The following UBE2E2 variants were observed in gnomAD, a reference collection of about 807,000 sequenced individuals.
The protein encoded by UBE2E2 is ubiquitin conjugating enzyme E2 E2.
In UBE2E2, 6 loss-of-function variants were observed where a neutral mutation model predicts 24.7. The ratio of observed to expected loss-of-function variants is 0.24; its 90% CI spans 0.13 to 0.48. The LOEUF is 0.48. Ranked by LOEUF, UBE2E2 falls within the 20% of genes least tolerant of loss-of-function variation. UBE2E2 has a pLI of 0.99. For missense variants in UBE2E2, 169 were observed against 245.0 expected, an observed-to-expected ratio of 0.69 and a Z score of 2.07; for synonymous variants, 104 against 83.6, an observed-to-expected ratio of 1.24 and a Z score of -1.33.
chr3:23,382,311 A>T (rs1308914630), intron 3 of UBE2E2, among the ~76,000 whole-genome samples: 1 of 151,108 alleles, frequency 6.6e-6, no homozygotes, highest in Non-Finnish European at 1.5e-5. Context: ...CCTCCAGAGT[A>T]GCTGGGATTA....
chr3:23,345,754 A>C (rs1575575035), intron 3 of UBE2E2, among the ~76,000 whole-genome samples: 1 of 152,234 alleles, frequency 6.6e-6, no homozygotes, highest in African/African-American at 2.4e-5. Context: ...TTGCCTTTAC[A>C]AAATATTCTT....
At chr3:23,279,715 A>G (rs2125370385) in intron 3 of UBE2E2, among the ~76,000 whole-genome samples, 1 of 152,306 alleles carries the variant, frequency 6.6e-6, no homozygotes, top group South Asian at 2.1e-4. Context: ...TGGACCCCCA[A>G]GGTGGGGGTG....
At chr3:23,525,633 A>G (rs1167653437) in intron 4 of UBE2E2, among the ~76,000 whole-genome samples, 1 of 152,230 alleles carries the variant, frequency 6.6e-6, no homozygotes, top group Non-Finnish European at 1.5e-5. Flanking sequence ...ATACAGCTAT[A>G]AATGCCAATG....
intron 3 of UBE2E2, among the ~76,000 whole-genome samples, chr3:23,238,423 A>G (rs1033870154): frequency 1.3e-5 from 2 of 152,228 alleles, no homozygotes; most frequent in Non-Finnish European, 1.5e-5. Flanking sequence ...GTAAAGAGTT[A>G]TATAATGTTA....
intron 3 of UBE2E2, among the ~76,000 whole-genome samples, chr3:23,455,227 G>C (rs1179453990): frequency 6.6e-6 from 1 of 152,182 alleles, no homozygotes; most frequent in Non-Finnish European, 1.5e-5. Flanking sequence ...TACCACACAA[G>C]TGAATTACAG....
chr3:23,382,334 A>G (rs1349472696), intron 3 of UBE2E2, among the ~76,000 whole-genome samples: 2 of 151,880 alleles, frequency 1.3e-5, no homozygotes, highest in Admixed American at 1.3e-4. Flanking sequence ...GGTGTGTGCT[A>G]CTGCACCTGG....
At chr3:23,302,795 A>G (rs1172058140) in intron 3 of UBE2E2, among the ~76,000 whole-genome samples, 2 of 152,240 alleles carry the variant, frequency 1.3e-5, no homozygotes, top group African/African-American at 4.8e-5. Flanking sequence ...TTGTATTTTA[A>G]TATAATGTTA....
intron 3 of UBE2E2, among the ~76,000 whole-genome samples, chr3:23,423,561 T>A (rs1697853778): frequency 1.3e-5 from 2 of 152,184 alleles, no homozygotes; most frequent in African/African-American, 4.8e-5. Context: ...TAAGAACTCT[T>A]GGTCTAATTT....
At chr3:23,515,085 A>C (rs1360929937) in intron 4 of UBE2E2, among the ~76,000 whole-genome samples, 1 of 151,266 alleles carries the variant, frequency 6.6e-6, no homozygotes, top group African/African-American at 2.4e-5. Flanking sequence ...TCTGAAGCTT[A>C]CTCTCAAATA....
intron 3 of UBE2E2, among the ~76,000 whole-genome samples, chr3:23,241,124 A>T (rs900983246): frequency 5.9e-5 from 9 of 152,144 alleles, no homozygotes; most frequent in Admixed American, 4.6e-4. Context: ...TTCAGTTAAT[A>T]GCAAATCTGT....
intron 5 of UBE2E2, among the ~76,000 whole-genome samples, chr3:23,541,389 A>G (rs1299204917): frequency 2.0e-5 from 3 of 152,256 alleles, no homozygotes; most frequent in Admixed American, 6.5e-5. Context: ...CAACTGTAAT[A>G]ACTACTTTCT....
At chr3:23,369,122 C>G (rs1045636253) in intron 3 of UBE2E2, among the ~76,000 whole-genome samples, 4 of 152,112 alleles carry the variant, frequency 2.6e-5, no homozygotes, top group African/African-American at 4.8e-5. Flanking sequence ...ATTTCTCATT[C>G]AAAGAGTAGC....
chr3:23,323,473 A>G, intron 3 of UBE2E2: 1 of 426,136 alleles, frequency 2.3e-6, no homozygotes, highest in Non-Finnish European at 4.7e-6. Context: ...AGCATCCCAA[A>G]TTCGAAAATT....
At chr3:23,450,872 A>T (rs1480651718) in intron 3 of UBE2E2, among the ~76,000 whole-genome samples, 1 of 152,226 alleles carries the variant, frequency 6.6e-6, no homozygotes, top group Non-Finnish European at 1.5e-5. Context: ...ACTAATTATA[A>T]TATGGTATTT....
intron 3 of UBE2E2, among the ~76,000 whole-genome samples, chr3:23,278,943 T>A (rs1387269176): frequency 1.5e-5 from 1 of 66,094 alleles, no homozygotes; most frequent in Non-Finnish European, 3.3e-5. Context: ...CATTTTCCAG[T>A]TTTTTTTAAT....
intron 1 of UBE2E2, among the ~76,000 whole-genome samples, chr3:23,205,293 T>A (rs754592208): frequency 7.2e-5 from 11 of 152,230 alleles, no homozygotes; most frequent in Admixed American, 1.3e-4. Context: ...TTTAAGTTTA[T>A]CTTCCCTGTA....
intron 3 of UBE2E2, among the ~76,000 whole-genome samples, chr3:23,284,281 A>C: frequency 6.6e-6 from 1 of 152,302 alleles, no homozygotes; most frequent in Non-Finnish European, 1.5e-5. Flanking sequence ...AAGAGAAGGC[A>C]CAGTATTTAA....
At chr3:23,532,482 GA>G (rs1695147957) in intron 4 of UBE2E2, 71 bp from the exon 5 acceptor site, 1 of 1,348,306 alleles carries the variant, frequency 7.4e-7, no homozygotes, top group African/African-American at 1.5e-5. Context: ...AATTTTATTA[GA>G]CAAAAATTGT....
At chr3:23,214,130 A>T (rs1696404141) in intron 2 of UBE2E2, among the ~76,000 whole-genome samples, 1 of 152,166 alleles carries the variant, frequency 6.6e-6, no homozygotes, top group Non-Finnish European at 1.5e-5. Context: ...AATATTATTG[A>T]CTCACTGCTC....
Sources: gnomAD v4.1 joint callset for allele counts (sites outside exome capture counted in the v4.1 genomes callset) on GRCh38, gnomAD v4.1.1 for gene constraint, MANE v1.5 for transcripts, NCBI Gene and HGNC (gene_info 2026-07-23, HGNC 2026-07-21) for gene names.